The following HS1BP3 variants were observed in gnomAD, a reference collection of about 807,000 sequenced individuals.
The protein encoded by HS1BP3 is HCLS1-binding protein 3.
HS1BP3 carries 32 observed loss-of-function variants against 33.5 expected under a neutral mutation model. The observed-to-expected ratio is 0.95, with a 90% CI of 0.72 to 1.28. HS1BP3 has a LOEUF of 1.28. Ranked by LOEUF, HS1BP3 falls within the 50% of genes most tolerant of loss-of-function variation. HS1BP3 has a pLI of 0.00. For missense variants in HS1BP3, 486 were observed against 502.3 expected (o/e 0.97, Z 0.31); for synonymous variants, 187 against 209.2 (o/e 0.89, Z 0.92).
chr2:20,569,404 T>A (rs1311166068), intron 5 of HS1BP3, among the ~76,000 whole-genome samples: 1 of 152,198 alleles, frequency 6.6e-6, no homozygotes, highest in Non-Finnish European at 1.5e-5. Flanking sequence ...TGTGGCTGCC[T>A]CTCAGAACAG....
At chr2:20,560,989 A>G (rs1293850816) in intron 5 of HS1BP3, among the ~76,000 whole-genome samples, 1 of 152,140 alleles carries the variant, frequency 6.6e-6, no homozygotes, top group Admixed American at 6.5e-5. Flanking sequence ...CAAGGGGCAG[A>G]GGGCAGCAGT....
chr2:20,592,730 G>A (rs13412584), exon 4 of HS1BP3: 13,719 of 152,350 alleles, frequency 0.09, 662 homozygotes, highest in African/African-American at 0.12. Flanking sequence ...GCAGCACCAC[G>A]CCCATCCCTG....
intron 2 of HS1BP3, among the ~76,000 whole-genome samples, chr2:20,644,175 G>A (rs1695447767): frequency 6.6e-6 from 1 of 152,092 alleles, no homozygotes; most frequent in Non-Finnish European, 1.5e-5. Context: ...GAGGCCAAAT[G>A]GTAAATAATA....
At chr2:20,643,652 G>A (rs1193488879) in intron 2 of HS1BP3, among the ~76,000 whole-genome samples, 2 of 152,148 alleles carry the variant, frequency 1.3e-5, no homozygotes, top group East Asian at 1.9e-4. Context: ...CTGGGCGTGG[G>A]GGTTCACACC....
At chr2:20,605,269 A>AC (rs1558331310) in intron 2 of HS1BP3, among the ~76,000 whole-genome samples, 1 of 151,840 alleles carries the variant, frequency 6.6e-6, no homozygotes, top group East Asian at 1.9e-4. Context: ...CACAGGTTGC[A>AC]CCCCCCACTT....
rs550574173 is a variant in HS1BP3 at position 20,647,101 on chromosome 2, C to T, written c.33-1596G>A. 2.0e-5 allele frequency among the ~76,000 whole-genome samples: 3 copies of T among 152,258 alleles called. No individual in the cohort carries two copies. In the South Asian group the frequency reaches 6.2e-4, roughly 32 times the overall value. ...AGTGACAAGAAGGGCAGTGCCTGAG[C>T]TGCGGGGAGGTCCTCTCAGGGGTGG... On this transcript the variant is annotated intron_variant, in intron 1 of 6. Coordinates refer to ENST00000304031, the MANE Select transcript of HS1BP3 (RefSeq NM_022460.4).
intron 5 of HS1BP3, among the ~76,000 whole-genome samples, chr2:20,581,640 G>A (rs113183919): frequency 0.049 from 7,428 of 152,202 alleles, 171 homozygotes; most frequent in South Asian, 0.068. Flanking sequence ...ATGAGCCACC[G>A]CACCCAGCCA....
At position 20,597,390 on chromosome 2, in the gene HS1BP3, G is replaced by A. The variant is rs563661890; in HGVS notation, c.*12+818C>T. ...TTGTACTGGTTTTAGAGCCCTGGACGGAGCTCCAGGTGACATGGGCCTTCC... is the reference window on the plus strand; with the variant it reads ...TTGTACTGGTTTTAGAGCCCTGGACAGAGCTCCAGGTGACATGGGCCTTCC... On this transcript the variant is annotated intron_variant, in intron 3 of 3. Coordinates refer to the HS1BP3 transcript ENST00000415264. 8.5e-4 allele frequency among the ~76,000 whole-genome samples: 130 copies of A among 152,274 alleles called. 2 individuals carry two copies. The highest frequency in any genetic ancestry group is 1.2e-3 in the Non-Finnish European group (83 of 68,016).
intron 5 of HS1BP3, among the ~76,000 whole-genome samples, chr2:20,571,058 G>C (rs1693258619): frequency 6.6e-6 from 1 of 152,200 alleles, no homozygotes. Flanking sequence ...GGAGGGTCCG[G>C]CTTCTGGGAC....
At chr2:20,638,317 C>G in intron 4 of HS1BP3, 119 bp downstream of exon 4, 1 of 948,818 alleles carries the variant, frequency 1.1e-6, no homozygotes, top group Non-Finnish European at 1.6e-6. Context: ...TGGCCCAGAT[C>G]CCTGCGAGGG....
intron 5 of HS1BP3, among the ~76,000 whole-genome samples, chr2:20,581,095 C>T (rs116599482): frequency 1.5e-3 from 234 of 152,348 alleles, no homozygotes; most frequent in Non-Finnish European, 2.3e-3. Context: ...CTCTCACACC[C>T]GGCCCAGCTC....
Position 20,629,164 on chromosome 2 carries a change from G to A in HS1BP3, c.624-4272C>T, listed in dbSNP as rs565851830. On this transcript the variant is annotated intron_variant, in intron 4 of 6. Coordinates refer to ENST00000304031, the MANE Select transcript of HS1BP3 (RefSeq NM_022460.4). ...TCAGTGAGGGGGTCAGTAATTCCAT[G>A]ACAGGTGCGTCACTCAGTCTCTGAG... Among the ~76,000 whole-genome samples the A allele has an allele frequency of 9.8e-5, 15 of 152,298 alleles. No homozygotes were observed. In the South Asian group the frequency reaches 2.9e-3, roughly 29 times the overall value.
chr2:20,624,722 C>A lies in HS1BP3; in HGVS notation c.784+10G>T. ...AGGACACCAGGAGCAGACCATGGGG[C>A]TCTACTTACGGTCCACGGATGACAC... is the stretch of plus-strand genomic sequence containing the variant. On this transcript the variant is annotated intron_variant, in intron 5 of 6. Transcript: ENST00000304031. The A allele has an allele frequency of 6.3e-7, 1 of 1,579,968 alleles. No homozygotes were observed. The highest frequency in any genetic ancestry group is 8.6e-7 in the Non-Finnish European group (1 of 1,161,300).
chr2:20,583,123 G>A (rs1458175757), intron 5 of HS1BP3, among the ~76,000 whole-genome samples: 1 of 152,202 alleles, frequency 6.6e-6, no homozygotes, highest in East Asian at 1.9e-4. Flanking sequence ...GCAGGCATGT[G>A]CCATGCACTG....
At position 20,570,031 on chromosome 2, in the gene HS1BP3, G is replaced by T. The variant is rs146534931; in HGVS notation, c.303-9516C>A. Among the ~76,000 whole-genome samples, 33 of 152,208 alleles carry T rather than the reference G, an allele frequency of 2.2e-4. No homozygotes were observed. The East Asian group carries it at 5.4e-3, about 25-fold the overall frequency. ...GCCTGAGAGAAGCAAACCGAACATT[G>T]ATCCTTTATGCAACGGGCTGCACCT... On this transcript the variant is annotated intron_variant, in intron 5 of 5. Coordinates refer to the HS1BP3 transcript ENST00000446825.
chr2:20,610,509 A>G (rs988946714), intron 2 of HS1BP3, among the ~76,000 whole-genome samples: 6 of 151,892 alleles, frequency 4.0e-5, no homozygotes, highest in Non-Finnish European at 2.9e-5. Context: ...AGTAATAGGC[A>G]TTTAAGTTTC....
chr2:20,583,858 G>A (rs562662894), intron 5 of HS1BP3, among the ~76,000 whole-genome samples: 4 of 152,270 alleles, frequency 2.6e-5, no homozygotes, highest in African/African-American at 9.6e-5. Context: ...GAGATCACCT[G>A]GAAGGAAGGT....
chr2:20,595,895 C>T (rs1016177596), intron 3 of HS1BP3, among the ~76,000 whole-genome samples: 1 of 152,180 alleles, frequency 6.6e-6, no homozygotes, highest in Non-Finnish European at 1.5e-5. Flanking sequence ...GGAGACAGAG[C>T]CTTAGACTAA....
chr2:20,617,901 G>A lies in HS1BP3; in HGVS notation c.*1086C>T, dbSNP rs1045716536. 8 of 152,638 alleles carry A rather than the reference G, an allele frequency of 5.2e-5. No individual in the cohort carries two copies. The highest frequency in any genetic ancestry group is 1.4e-4 in the African/African-American group (6 of 41,464). 9.5% of individuals were successfully genotyped at this position (152,638 alleles called of 1,614,324 possible). A position where few individuals can be genotyped will look rare whatever the true frequency, so the allele number is the denominator to read the frequency against. On this transcript the variant is annotated 3_prime_UTR_variant, in exon 7 of 7. Transcript: ENST00000304031. The stretch of plus-strand genomic sequence containing the variant: ...GTGGTGCCTAGACCTGTGTACCAGC[G>A]CTCTGGGGGTCGGGAGAAGTCTAAG...
Sources: gnomAD v4.1 joint callset for allele counts (sites outside exome capture counted in the v4.1 genomes callset) on GRCh38, gnomAD v4.1.1 for gene constraint, MANE v1.5 for transcripts, NCBI Gene and HGNC (gene_info 2026-07-23, HGNC 2026-07-21) for gene names.